PLEKHA8: variants seen among roughly 807,000 people sequenced by gnomAD.
PLEKHA8 encodes pleckstrin homology domain containing A8, also known as pleckstrin homology domain-containing family A member 8.
PLEKHA8 carries 36 observed loss-of-function variants against 68.2 expected under a neutral mutation model. That is an observed-to-expected ratio of 0.53 (90% CI 0.40 to 0.70). The LOEUF (loss-of-function observed/expected upper bound fraction) is 0.70. Ranked by LOEUF, PLEKHA8 falls within the 30% of genes least tolerant of loss-of-function variation. The probability of loss-of-function intolerance (pLI) is 0.00; values close to 1 mark genes in which losing one functional copy is unlikely to be tolerated. For missense variants in PLEKHA8, 505 were observed against 615.4 expected, an observed-to-expected ratio of 0.82 and a Z score of 1.90; for synonymous variants, 211 against 216.1, an observed-to-expected ratio of 0.98 and a Z score of 0.20.
In PLEKHA8 at chr7:30,082,559, C is replaced by T. The variant is rs1054313703; in HGVS notation, c.*3772C>T. ...AAAGATGATTATTAGAGGAGTGCAGCGGAAAAAAATTTGCACTCTTCTCCT... is the reference window on the plus strand; with the variant it reads ...AAAGATGATTATTAGAGGAGTGCAGTGGAAAAAAATTTGCACTCTTCTCCT... On this transcript the variant is annotated 3_prime_UTR_variant, in exon 14 of 14. Coordinates refer to ENST00000449726, the MANE Select transcript of PLEKHA8 (RefSeq NM_001197026.2). The T allele has an allele frequency of 1.2e-5, 12 of 985,018 alleles. No individual in the cohort carries two copies. Among genetic ancestry groups the T allele is most frequent in the East Asian group, 2.3e-4 (2 of 8,818 alleles). The allele number at this position is 985,018 out of a possible 1,614,324, so 61.0% of individuals were successfully genotyped here. A position where few individuals can be genotyped will look rare whatever the true frequency, so the allele number is the denominator to read the frequency against.
chr7:30,061,872 G>C (rs769294008), intron 10 of PLEKHA8, 25 bp from the exon 11 acceptor site: 2 of 1,612,620 alleles, frequency 1.2e-6, no homozygotes, highest in Non-Finnish European at 1.7e-6. Context: ...TTTAAACTTA[G>C]GTTGTTTCCC....
intron 13 of PLEKHA8, among the ~76,000 whole-genome samples, chr7:30,120,157 AAAAAAAAAAAAAC>A (rs889487313): frequency 3.7e-5 from 5 of 136,180 alleles, no homozygotes; most frequent in African/African-American, 1.4e-4. Context: ...ACAAATAATT[AAAAAAAAAAAAAC>A]AAAAAAAAAA....
chr7:30,042,020 C>T (rs971637491), intron 1 of PLEKHA8, among the ~76,000 whole-genome samples: 1 of 152,084 alleles, frequency 6.6e-6, no homozygotes, highest in Non-Finnish European at 1.5e-5. Flanking sequence ...ATCAATAGAC[C>T]TTATAAAGTA....
intron 6 of PLEKHA8, 104 bp downstream of exon 6, chr7:30,050,578 G>A: frequency 7.4e-7 from 1 of 1,343,888 alleles, no homozygotes. Flanking sequence ...TTTTTCTCAG[G>A]ATTTGAAATA....
intron 12 of PLEKHA8, among the ~76,000 whole-genome samples, chr7:30,064,466 C>G (rs554739746): frequency 6.6e-5 from 10 of 152,050 alleles, no homozygotes; most frequent in Admixed American, 2.0e-4. Flanking sequence ...TTGCTTGAAC[C>G]CAGGAGGTCA....
chr7:30,053,557 T>C (rs1037735023), intron 7 of PLEKHA8, among the ~76,000 whole-genome samples: 2 of 152,222 alleles, frequency 1.3e-5, no homozygotes, highest in African/African-American at 2.4e-5. Flanking sequence ...GCTGTTAATC[T>C]GAGAGAGACA....
chr7:30,040,463 C>T (rs1476593726), intron 1 of PLEKHA8, among the ~76,000 whole-genome samples: 2 of 152,186 alleles, frequency 1.3e-5, no homozygotes, highest in Non-Finnish European at 2.9e-5. Context: ...TCCCCAGTCC[C>T]AGCAAAAGTC....
Position 30,072,220 on chromosome 7 carries a change from C to T in PLEKHA8, c.1301-1851C>T, listed in dbSNP as rs866924468. 1.2e-4 allele frequency: 18 copies of T among 152,338 alleles called. No individual in the cohort carries two copies. In the Middle Eastern group the frequency reaches 0.01, roughly 86 times the overall value. 9.4% of individuals were successfully genotyped at this position (152,338 alleles called of 1,614,324 possible). ...TTATCACTTATTGCTTCTGCTTTAG[C>T]TTTAACACACTGGATACTGGCATTC... On this transcript the variant is annotated intron_variant, in intron 12 of 13. Transcript: ENST00000449726.
At chr7:30,086,588 A>C (rs558773963), downstream of PLEKHA8, among the ~76,000 whole-genome samples, 17 of 152,224 alleles carry the variant, frequency 1.1e-4, no homozygotes, top group Middle Eastern at 3.4e-3. Flanking sequence ...GCAAAGGAGA[A>C]CAGAGTGTGG....
In PLEKHA8 at chr7:30,080,100, G is replaced by C. The variant is rs1264545033; in HGVS notation, c.*1313G>C. 1 of 985,208 alleles carries C rather than the reference G, an allele frequency of 1.0e-6. No homozygotes were observed. Among genetic ancestry groups the C allele is most frequent in the African/African-American group, 1.7e-5 (1 of 57,178 alleles). 61.0% of individuals were successfully genotyped at this position (985,208 alleles called of 1,614,324 possible). A position where few individuals can be genotyped will look rare whatever the true frequency, so the allele number is the denominator to read the frequency against. On this transcript the variant is annotated 3_prime_UTR_variant, in exon 14 of 14. Coordinates refer to ENST00000449726, the MANE Select transcript of PLEKHA8 (RefSeq NM_001197026.2). Reference sequence around the variant, plus strand: ...TCTCGGTTTAATCACCAAAAGTGCAGAGCAGGCAAAATGCAGCTGTTTATC... The same window carrying C: ...TCTCGGTTTAATCACCAAAAGTGCACAGCAGGCAAAATGCAGCTGTTTATC...
intron 12 of PLEKHA8, among the ~76,000 whole-genome samples, chr7:30,063,381 T>A (rs1279850329): frequency 6.6e-6 from 1 of 152,184 alleles, no homozygotes; most frequent in Non-Finnish European, 1.5e-5. Flanking sequence ...AGACCAGTTT[T>A]GGAAAATGTT....
rs1196879136 is a variant in PLEKHA8, at chr7:30,060,897, T to C, written c.1053T>C (p.Pro351=). ...AVVPVLDKLG[P]TVFAPVKMDL... ...CTTTTCTTCTAGACAAACTTGGCCC[T>C]ACAGTGTTTGCTCCTGTTAAGATGG... The change falls in exon 10 of 14, where the codon CCT becomes CCC. Residue 351 remains proline, a synonymous_variant. Transcript: ENST00000449726. 6.2e-7 allele frequency: 1 copy of C among 1,613,254 alleles called. No individual in the cohort carries two copies. Among genetic ancestry groups the C allele is most frequent in the African/African-American group, 1.3e-5 (1 of 74,926 alleles).
At chr7:30,109,438 A>G (rs928712343) in intron 13 of PLEKHA8, among the ~76,000 whole-genome samples, 1 of 151,836 alleles carries the variant, frequency 6.6e-6, no homozygotes, top group African/African-American at 2.4e-5. Context: ...AATACAAAAA[A>G]TTAGCTGGGC....
chr7:30,080,034 T>A lies in PLEKHA8; in HGVS notation c.*1247T>A, dbSNP rs1020425951. ...ACACCCAGCCAGCAGGCCTTTGCAT[T>A]GCATTCGGGGACCATGACTCTGAAT... is the stretch of plus-strand genomic sequence containing the variant. On this transcript the variant is annotated 3_prime_UTR_variant, in exon 14 of 14. Transcript: ENST00000449726. 56 of 985,250 alleles carry A rather than the reference T, an allele frequency of 5.7e-5. No individual in the cohort carries two copies. The highest frequency in any genetic ancestry group is 6.6e-5 in the Non-Finnish European group (55 of 829,924). The allele number at this position is 985,250 out of a possible 1,614,324, so 61.0% of individuals were successfully genotyped here.
chr7:30,068,705 T>C (rs4722967), intron 12 of PLEKHA8, among the ~76,000 whole-genome samples: 2 of 152,360 alleles, frequency 1.3e-5, no homozygotes, highest in South Asian at 4.1e-4. Context: ...TTATCTATGG[T>C]GTCTTTTGGT....
At chr7:30,115,880 G>GCATACATGCGTATACATGCATGTATA (rs1796477646) in intron 13 of PLEKHA8, 1 of 142,824 alleles carries the variant, frequency 7.0e-6, no homozygotes, top group Admixed American at 7.2e-5. Flanking sequence ...ATGTAGGCAC[G>GCATACATGCGTATACATGCATGTATA]CATACATGCG....
chr7:30,028,922 G>A (rs1211659910), intron 1 of PLEKHA8, 120 bp downstream of exon 1: 2 of 1,091,586 alleles, frequency 1.8e-6, no homozygotes, highest in African/African-American at 1.6e-5. Context: ...AGGCCAGCGC[G>A]GAGCGGGAGT....
At position 30,081,897 on chromosome 7, in the gene PLEKHA8, A is replaced by G. The variant is rs940223616; in HGVS notation, c.*3110A>G. ...TGTTGAATTAAACAAAATATTTTCA[A>G]TGATGGCAAGTCTCTTGACTTTTGA... is the stretch of plus-strand genomic sequence containing the variant. On this transcript the variant is annotated 3_prime_UTR_variant, in exon 14 of 14. Transcript: ENST00000449726. 1.1e-5 allele frequency: 11 copies of G among 982,012 alleles called. No individual in the cohort carries two copies. The highest frequency in any genetic ancestry group is 1.7e-5 in the African/African-American group (1 of 57,184). The allele number at this position is 982,012 out of a possible 1,614,324, so 60.8% of individuals were successfully genotyped here. A position where few individuals can be genotyped will look rare whatever the true frequency, so the allele number is the denominator to read the frequency against.
intron 13 of PLEKHA8, among the ~76,000 whole-genome samples, 172 bp downstream of exon 13, chr7:30,074,304 G>A (rs1045357071): frequency 6.7e-6 from 1 of 150,200 alleles, no homozygotes; most frequent in African/African-American, 2.5e-5. Flanking sequence ...CTTTGTTTTT[G>A]AGGATAAGAA....
Sources: allele counts gnomAD v4.1 joint callset (sites outside exome capture counted in the v4.1 genomes callset), GRCh38; gene constraint gnomAD v4.1.1; transcripts MANE v1.5; gene names NCBI Gene and HGNC (gene_info 2026-07-23, HGNC 2026-07-21).